Variants in PDGFD observed in about 807,000 individuals in gnomAD.
PDGFD encodes the protein platelet-derived growth factor D.
A neutral mutation model predicts 44.7 loss-of-function variants in PDGFD; 30 were observed. The ratio of observed to expected loss-of-function variants is 0.67; its 90% CI spans 0.50 to 0.91. The LOEUF is 0.91. Ranked by LOEUF, PDGFD falls within the 40% of genes least tolerant of loss-of-function variation. The pLI, the probability that PDGFD is intolerant of heterozygous loss-of-function variation, is 0.00. For synonymous variants in PDGFD, 173 were observed against 168.4 expected, an observed-to-expected ratio of 1.03 and a Z score of -0.21; for missense variants, 445 against 457.8, an observed-to-expected ratio of 0.97 and a Z score of 0.25.
At chr11:103,936,808 T>G (rs1386220343) in intron 5 of PDGFD, among the ~76,000 whole-genome samples, 1 of 149,326 alleles carries the variant, frequency 6.7e-6, no homozygotes, top group Non-Finnish European at 1.5e-5. Context: ...TAAAATACTG[T>G]TTTTTTGTTT....
At chr11:104,135,668 G>A (rs1208526264) in intron 1 of PDGFD, among the ~76,000 whole-genome samples, 16 of 152,104 alleles carry the variant, frequency 1.1e-4, no homozygotes, top group Admixed American at 1.0e-3. Flanking sequence ...GAGGATGGTG[G>A]ATTAGAGGAT....
intron 6 of PDGFD, among the ~76,000 whole-genome samples, chr11:103,921,918 A>G (rs903491538): frequency 8.8e-6 from 1 of 113,248 alleles, no homozygotes; most frequent in Non-Finnish European, 2.0e-5. Flanking sequence ...TTTGTGCTAC[A>G]CACATTTCAA....
rs1859408081 is a variant in PDGFD, at chr11:103,988,810, C to T, written c.510+7255G>A. On this transcript the variant is annotated intron_variant, in intron 3 of 6. Transcript: ENST00000393158. ...GTTTATTGAATCACTTGTAAAATAA[C>T]AGGATTAGCATAAGCATTAGATCTC... Among the ~76,000 whole-genome samples, 6 of 152,228 alleles carry T rather than the reference C, an allele frequency of 3.9e-5. No individual in the cohort carries two copies. The South Asian group carries it at 1.2e-3, about 32-fold the overall frequency.
chr11:104,143,438 T>C (rs1591184902), intron 1 of PDGFD, among the ~76,000 whole-genome samples: 1 of 152,218 alleles, frequency 6.6e-6, no homozygotes, highest in African/African-American at 2.4e-5. Context: ...GGAATTCTTA[T>C]TGGATTTTGG....
chr11:104,062,500 GT>G (rs946215808), intron 1 of PDGFD, among the ~76,000 whole-genome samples: 1 of 152,128 alleles, frequency 6.6e-6, no homozygotes, highest in Non-Finnish European at 1.5e-5. Context: ...TGAATTACAA[GT>G]TTTTTTGTTA....
intron 1 of PDGFD, among the ~76,000 whole-genome samples, chr11:104,137,768 C>T (rs891646973): frequency 9.0e-6 from 1 of 110,502 alleles, no homozygotes; most frequent in Admixed American, 1.2e-4. Flanking sequence ...TTCTAACCTA[C>T]TGGATATCTG....
chr11:103,929,309 T>C (rs571635323), intron 5 of PDGFD, among the ~76,000 whole-genome samples: 31 of 152,258 alleles, frequency 2.0e-4, no homozygotes, highest in Middle Eastern at 3.4e-3. Flanking sequence ...AGAAGACCAG[T>C]GTTATGAGGG....
At chr11:103,931,556 C>T (rs1020982388) in intron 5 of PDGFD, among the ~76,000 whole-genome samples, 1 of 152,120 alleles carries the variant, frequency 6.6e-6, no homozygotes, top group Non-Finnish European at 1.5e-5. Flanking sequence ...TGCTGCATGT[C>T]CTTGAAGACA....
chr11:103,914,738 G>A lies in PDGFD; in HGVS notation c.988-4919C>T, dbSNP rs563086368. On this transcript the variant is annotated intron_variant, in intron 6 of 6. Transcript: ENST00000393158. ...ACCAAATCCAGCAGCACATCAAAAA[G>A]CTTATCTACCATGATCAAGTTGGCG... Among the ~76,000 whole-genome samples the A allele has an allele frequency of 7.9e-5, 12 of 152,256 alleles. No homozygotes were observed. The South Asian group carries it at 2.5e-3, about 32-fold the overall frequency.
chr11:104,127,397 G>GA (rs1174145359), intron 1 of PDGFD, among the ~76,000 whole-genome samples: 1 of 152,136 alleles, frequency 6.6e-6, no homozygotes, highest in African/African-American at 2.4e-5. Flanking sequence ...CAACAAGTCA[G>GA]AAAACCACTA....
intron 1 of PDGFD, among the ~76,000 whole-genome samples, chr11:104,085,127 A>T (rs1861111057): frequency 7.2e-6 from 1 of 139,812 alleles, no homozygotes; most frequent in Non-Finnish European, 1.5e-5. Context: ...TATATATTAA[A>T]TTTTATCACA....
At chr11:104,005,575 T>A (rs1859689394) in intron 1 of PDGFD, among the ~76,000 whole-genome samples, 1 of 152,224 alleles carries the variant, frequency 6.6e-6, no homozygotes, top group African/African-American at 2.4e-5. Flanking sequence ...GTATTTACTT[T>A]GGTGTTCCAA....
At chr11:103,926,228 T>C (rs1858312892) in intron 6 of PDGFD, among the ~76,000 whole-genome samples, 1 of 152,186 alleles carries the variant, frequency 6.6e-6, no homozygotes, top group Admixed American at 6.5e-5. Context: ...TACAATATTG[T>C]TGATGGGGTG....
At chr11:104,097,811 G>A (rs184792253) in intron 1 of PDGFD, among the ~76,000 whole-genome samples, 1 of 152,046 alleles carries the variant, frequency 6.6e-6, no homozygotes, top group Admixed American at 6.6e-5. Flanking sequence ...AATGGGCTTC[G>A]ACATGTCCTG....
chr11:103,919,304 A>T (rs1387142850), intron 6 of PDGFD, among the ~76,000 whole-genome samples: 1 of 152,112 alleles, frequency 6.6e-6, no homozygotes, highest in Non-Finnish European at 1.5e-5. Context: ...CTTCACCATA[A>T]AGCTATTTAC....
In PDGFD at chr11:104,009,643, T is replaced by G. The variant is rs547372745; in HGVS notation, c.125-9388A>C. ...GAGACTAGGGCAGGAAGTCCTAACT[T>G]AAAAATGAATAGGTCAATTTGTACA... On this transcript the variant is annotated intron_variant, in intron 1 of 6. Transcript: ENST00000393158. 3.9e-4 allele frequency among the ~76,000 whole-genome samples: 59 copies of G among 152,098 alleles called. No homozygotes were observed. The Middle Eastern group carries it at 0.027, about 70-fold the overall frequency.
chr11:104,047,305 A>G (rs4755005), intron 1 of PDGFD, among the ~76,000 whole-genome samples: 78,936 of 146,230 alleles, frequency 0.54, 25,477 homozygotes, highest in Admixed American at 0.65. Flanking sequence ...AGATCCTTGA[A>G]GAATCGCCAC....
At chr11:104,087,713 T>G (rs2134434562) in intron 1 of PDGFD, among the ~76,000 whole-genome samples, 1 of 152,316 alleles carries the variant, frequency 6.6e-6, no homozygotes, top group Non-Finnish European at 1.5e-5. Context: ...CAGAACAATT[T>G]CTGCAATATT....
intron 4 of PDGFD, among the ~76,000 whole-genome samples, chr11:103,944,211 T>C (rs941663401): frequency 1.3e-5 from 2 of 152,200 alleles, no homozygotes; most frequent in African/African-American, 4.8e-5. Context: ...TAATTAGCCA[T>C]GAAATTGGCT....
Sources: allele counts gnomAD v4.1 joint callset (sites outside exome capture counted in the v4.1 genomes callset), GRCh38; gene constraint gnomAD v4.1.1; transcripts MANE v1.5; gene names NCBI Gene and HGNC (gene_info 2026-07-23, HGNC 2026-07-21).